Variants in DAAM2 observed in about 807,000 individuals in gnomAD.
The protein encoded by DAAM2 is disheveled-associated activator of morphogenesis 2.
In DAAM2, 39 loss-of-function variants were observed where a neutral mutation model predicts 120.7. That is an observed-to-expected ratio of 0.32 (90% CI 0.25 to 0.42). The LOEUF is 0.42. Ranked by LOEUF, DAAM2 falls within the 10% of genes least tolerant of loss-of-function variation. The pLI, the probability that DAAM2 is intolerant of heterozygous loss-of-function variation, is 1.00. For synonymous variants in DAAM2, 488 were observed against 524.9 expected, an observed-to-expected ratio of 0.93 and a Z score of 0.96; for missense variants, 1,283 against 1,401.7, an observed-to-expected ratio of 0.92 and a Z score of 1.35.
Position 39,901,568 on chromosome 6 carries a change from G to C in DAAM2, c.2982+96G>C, listed in dbSNP as rs932795356. On this transcript the variant is annotated intron_variant, in intron 24 of 24. Coordinates refer to ENST00000274867, the MANE Select transcript of DAAM2 (RefSeq NM_001201427.2). This position sits in a 1 kb window ranked among gnomAD's most constrained non-coding sequence, Gnocchi z 4.5. ...GGTGTGTGGGAGGAGGGCAGAGACT[G>C]AGGAACTGAGGAACACCATAGGGGT... The C allele has an allele frequency of 7.7e-7, 1 of 1,306,000 alleles. No homozygotes were observed. Among genetic ancestry groups the C allele is most frequent in the Middle Eastern group, 2.7e-4 (1 of 3,698 alleles). 80.9% of individuals were successfully genotyped at this position (1,306,000 alleles called of 1,614,324 possible). A position where few individuals can be genotyped will look rare whatever the true frequency, so the allele number is the denominator to read the frequency against.
At chr6:39,807,936 A>G (rs1303116087) in intron 1 of DAAM2, among the ~76,000 whole-genome samples, 2 of 152,208 alleles carry the variant, frequency 1.3e-5, no homozygotes, top group African/African-American at 2.4e-5. Flanking sequence ...GTGAGTAGTT[A>G]TGCTGAAGAG....
intron 1 of DAAM2, among the ~76,000 whole-genome samples, chr6:39,805,303 C>T (rs1761977164): frequency 6.6e-6 from 1 of 151,974 alleles, no homozygotes; most frequent in African/African-American, 2.4e-5. Flanking sequence ...TCAGTTTCCT[C>T]ATCTGTAAAA....
chr6:39,805,040 C>A (rs1315684665), intron 1 of DAAM2, among the ~76,000 whole-genome samples: 1 of 152,146 alleles, frequency 6.6e-6, no homozygotes, highest in Non-Finnish European at 1.5e-5. Flanking sequence ...AAGGAATCAG[C>A]AAATTCCTCC....
intron 1 of DAAM2, among the ~76,000 whole-genome samples, chr6:39,855,288 C>T (rs900917526): frequency 6.6e-6 from 1 of 152,106 alleles, no homozygotes; most frequent in Non-Finnish European, 1.5e-5. Context: ...GGCCATGTGG[C>T]ACCAATGACA....
At chr6:39,825,002 A>C (rs1762616774) in intron 1 of DAAM2, among the ~76,000 whole-genome samples, 1 of 152,172 alleles carries the variant, frequency 6.6e-6, no homozygotes, top group Non-Finnish European at 1.5e-5. Context: ...GGGTGGCTTC[A>C]GAGGGGCCCA....
At chr6:39,887,801 C>A in intron 16 of DAAM2, 1 of 523,324 alleles carries the variant, frequency 1.9e-6, no homozygotes, top group Non-Finnish European at 3.5e-6. Context: ...CCTTGCCCAG[C>A]CTGGTCAGCG....
rs1399689715 is a variant in DAAM2, at chr6:39,904,794, C to T, written c.*2757C>T. On this transcript the variant is annotated 3_prime_UTR_variant, in exon 25 of 25. Coordinates refer to ENST00000274867, the MANE Select transcript of DAAM2 (RefSeq NM_001201427.2). ...GGCTAATGGACATAATCTACAGTGT[C>T]CTTTTTCACTTGCACCTTTTTTATA... The T allele has an allele frequency of 4.4e-6, 2 of 453,996 alleles. No homozygotes were observed. The highest frequency in any genetic ancestry group is 8.8e-6 in the Non-Finnish European group (2 of 226,804). The allele number at this position is 453,996 out of a possible 1,614,324, so 28.1% of individuals were successfully genotyped here.
intron 14 of DAAM2, among the ~76,000 whole-genome samples, chr6:39,881,034 A>T (rs919461186): frequency 2.0e-5 from 3 of 152,258 alleles, no homozygotes; most frequent in Non-Finnish European, 4.4e-5. Flanking sequence ...TATTGTCACA[A>T]TTTATAATGT....
chr6:39,865,039 A>G lies in DAAM2; in HGVS notation c.393A>G (p.Glu131=). The G allele has an allele frequency of 6.2e-7, 1 of 1,603,270 alleles. No individual in the cohort carries two copies. The highest frequency in any genetic ancestry group is 8.5e-7 in the Non-Finnish European group (1 of 1,173,630). Residue 131 remains glutamate, a synonymous_variant, in exon 5 of 25, where the codon GAA becomes GAG. Transcript: ENST00000274867. ...EETEMRNQVV[E]DLKTALRTQP... is the part of the protein sequence containing the mutation. ...CGGAGATGAGGAACCAAGTCGTGGAAGACCTGAAGACAGCCCTCCGGACAC... is the reference window on the plus strand; with the variant it reads ...CGGAGATGAGGAACCAAGTCGTGGAGGACCTGAAGACAGCCCTCCGGACAC...
chr6:39,855,362 C>A (rs545342999), intron 1 of DAAM2, among the ~76,000 whole-genome samples: 3 of 152,256 alleles, frequency 2.0e-5, no homozygotes, highest in Non-Finnish European at 4.4e-5. Context: ...CGAGCCAAAG[C>A]CTTGACCCTT....
At chr6:39,845,995 G>A (rs974085778) in intron 1 of DAAM2, among the ~76,000 whole-genome samples, 1 of 151,184 alleles carries the variant, frequency 6.6e-6, no homozygotes, top group Non-Finnish European at 1.5e-5. Flanking sequence ...AGAGAGGTTG[G>A]CCCTGGTCTC....
chr6:39,891,623 C>A lies in DAAM2; in HGVS notation c.2253-11C>A, dbSNP rs1217709054. The A allele has an allele frequency of 1.2e-6, 2 of 1,609,144 alleles. No individual in the cohort carries two copies. Among genetic ancestry groups the A allele is most frequent in the East Asian group, 2.2e-5 (1 of 44,732 alleles). On this transcript the variant is annotated splice_polypyrimidine_tract_variant and intron_variant, in intron 18 of 24. Coordinates refer to ENST00000274867, the MANE Select transcript of DAAM2 (RefSeq NM_001201427.2). ...TGGGATACCTCAAGATATGGTTCAC[C>A]TTGTCTACAGGATTGACCACTACCA...
intron 16 of DAAM2, 36 bp from the exon 17 acceptor site, chr6:39,888,643 A>G: frequency 6.3e-7 from 1 of 1,593,836 alleles, no homozygotes; most frequent in Non-Finnish European, 8.6e-7. Flanking sequence ...AGAAGGTTTG[A>G]GGGCTGTCCT....
At chr6:39,845,945 C>T (rs1433724694) in intron 1 of DAAM2, among the ~76,000 whole-genome samples, 1 of 152,116 alleles carries the variant, frequency 6.6e-6, no homozygotes, top group Non-Finnish European at 1.5e-5. Flanking sequence ...GCACATCATT[C>T]AGAGAGCTGT....
chr6:39,867,645 C>T lies in DAAM2; in HGVS notation c.564C>T (p.Ser188=). ...IGCIKALMNN[S]QGRAHVLAQP... ...GCATCAAAGCATTGATGAACAACTC[C>T]CAGGGGCGGGCACATGTGCTGGCAC... The change falls in exon 6 of 25, where the codon TCC becomes TCT. Residue 188 remains serine, a synonymous_variant. Transcript: ENST00000274867. 3 of 1,614,054 alleles carry T rather than the reference C, an allele frequency of 1.9e-6. No individual in the cohort carries two copies. The highest frequency in any genetic ancestry group is 1.7e-6 in the Non-Finnish European group (2 of 1,179,906).
intron 1 of DAAM2, among the ~76,000 whole-genome samples, chr6:39,823,607 G>A (rs1002093546): frequency 6.6e-6 from 1 of 152,188 alleles, no homozygotes; most frequent in Non-Finnish European, 1.5e-5. Context: ...TCCTCCCAAA[G>A]AGGGATGTTT....
At chr6:39,838,475 T>C (rs1385795868) in intron 1 of DAAM2, among the ~76,000 whole-genome samples, 3 of 152,132 alleles carry the variant, frequency 2.0e-5, no homozygotes, top group Non-Finnish European at 2.9e-5. Context: ...TTGGGAATTG[T>C]AGGGAGAGTG....
intron 1 of DAAM2, among the ~76,000 whole-genome samples, chr6:39,855,472 C>A (rs1763962428): frequency 2.0e-5 from 3 of 152,158 alleles, no homozygotes; most frequent in Admixed American, 2.0e-4. Flanking sequence ...AAAATCTGAG[C>A]AGATTTCTTC....
chr6:39,904,495 T>G lies in DAAM2; in HGVS notation c.*2458T>G. 1.1e-5 allele frequency: 5 copies of G among 454,396 alleles called. No individual in the cohort carries two copies. Among genetic ancestry groups the G allele is most frequent in the South Asian group, 7.8e-5 (5 of 64,486 alleles). The allele number at this position is 454,396 out of a possible 1,614,324, so 28.1% of individuals were successfully genotyped here. On this transcript the variant is annotated 3_prime_UTR_variant, in exon 25 of 25. Coordinates refer to ENST00000274867, the MANE Select transcript of DAAM2 (RefSeq NM_001201427.2). ...CTCCTGCCACCTTTAGATAAGTTTC[T>G]CTAGCTAATTTTGTGGCCAATGTAA...
Sources: gnomAD v4.1 joint callset for allele counts (sites outside exome capture counted in the v4.1 genomes callset) on GRCh38, gnomAD v4.1.1 for gene constraint, Gnocchi (gnomAD v3.1) non-coding constraint, MANE v1.5 for transcripts, NCBI Gene and HGNC (gene_info 2026-07-23, HGNC 2026-07-21) for gene names.